Variants in MKLN1 observed in about 807,000 individuals in gnomAD.
The protein encoded by MKLN1 is muskelin.
In MKLN1, 18 loss-of-function variants were observed where a neutral mutation model predicts 99.0. That is an observed-to-expected ratio of 0.18 (90% CI 0.13 to 0.27). The LOEUF (loss-of-function observed/expected upper bound fraction) is 0.27. MKLN1 is among the 10% of genes least tolerant of loss of function. The pLI, the probability that MKLN1 is intolerant of heterozygous loss-of-function variation, is 1.00. For missense variants in MKLN1, 621 were observed against 875.9 expected (o/e 0.71, Z 3.67); for synonymous variants, 288 against 293.2 (o/e 0.98, Z 0.18).
intron 2 of MKLN1, among the ~76,000 whole-genome samples, chr7:131,156,556 C>G (rs929366025): frequency 4.0e-5 from 6 of 151,716 alleles, no homozygotes; most frequent in African/African-American, 1.5e-4. Flanking sequence ...AGATACTACT[C>G]TCTCGTGAAG....
chr7:131,386,646 T>C (rs1440696515), intron 2 of MKLN1, among the ~76,000 whole-genome samples: 1 of 152,204 alleles, frequency 6.6e-6, no homozygotes, highest in African/African-American at 2.4e-5. Flanking sequence ...TAGATTTGGG[T>C]TTCAAATTTG....
At chr7:131,169,331 G>A (rs1230698547) in intron 2 of MKLN1, among the ~76,000 whole-genome samples, 4 of 152,182 alleles carry the variant, frequency 2.6e-5, no homozygotes, top group Admixed American at 6.5e-5. Flanking sequence ...TCTGAAACTC[G>A]TAATCAATTG....
intron 1 of MKLN1, among the ~76,000 whole-genome samples, chr7:131,329,709 G>GTCTA (rs1262480480): frequency 6.6e-6 from 1 of 152,172 alleles, no homozygotes; most frequent in Non-Finnish European, 1.5e-5. Flanking sequence ...TTTTAAGAAA[G>GTCTA]TACATTTCAA....
chr7:131,260,887 A>G (rs1797723091), intron 3 of MKLN1, among the ~76,000 whole-genome samples: 1 of 135,378 alleles, frequency 7.4e-6, no homozygotes, highest in African/African-American at 2.5e-5. Flanking sequence ...AAAACATGCA[A>G]TGGGGAAAGG....
intron 3 of MKLN1, among the ~76,000 whole-genome samples, chr7:131,270,521 T>G (rs575203889): frequency 2.0e-5 from 3 of 152,334 alleles, no homozygotes; most frequent in African/African-American, 7.2e-5. Flanking sequence ...GTGCCCAGCC[T>G]ATGGTGGTAA....
rs111304269 is a variant in MKLN1 at position 131,346,658 on chromosome 7, G to A, written c.98+18661G>A. ...TAGATTTTCAAAATTAATTTAGAGG[G>A]TACTTGAGCAGAAAAGCTTGTGCAC... On this transcript the variant is annotated intron_variant, in intron 1 of 17. Coordinates refer to ENST00000352689, the MANE Select transcript of MKLN1 (RefSeq NM_013255.5). Among the ~76,000 whole-genome samples the A allele has an allele frequency of 3.1e-3, 473 of 152,266 alleles. 1 individual carries two copies. Among genetic ancestry groups the A allele is most frequent in the African/African-American group, 0.011 (451 of 41,554 alleles).
intron 5 of MKLN1, among the ~76,000 whole-genome samples, chr7:131,398,818 A>G (rs1794441628): frequency 6.6e-6 from 1 of 152,234 alleles, no homozygotes; most frequent in Admixed American, 6.5e-5. Flanking sequence ...TTTATTTTTA[A>G]AAACCAAAAA....
chr7:131,219,987 C>T (rs557257497), intron 3 of MKLN1, among the ~76,000 whole-genome samples: 6 of 152,228 alleles, frequency 3.9e-5, no homozygotes, highest in African/African-American at 9.6e-5. Flanking sequence ...ACTGACATGC[C>T]GCACTGAGGA....
chr7:131,346,798 T>G (rs919686206), intron 1 of MKLN1, among the ~76,000 whole-genome samples: 4 of 152,240 alleles, frequency 2.6e-5, no homozygotes, highest in Non-Finnish European at 5.9e-5. Flanking sequence ...AGTACTAGAC[T>G]ATGATGAAGA....
chr7:131,190,170 A>G (rs559203002), intron 2 of MKLN1, among the ~76,000 whole-genome samples: 2 of 152,282 alleles, frequency 1.3e-5, no homozygotes, highest in South Asian at 4.1e-4. Flanking sequence ...CTGCCACTGG[A>G]AAGATGTCAA....
At chr7:131,328,282 G>C in intron 1 of MKLN1, 2 of 406,716 alleles carry the variant, frequency 4.9e-6, no homozygotes, top group Non-Finnish European at 9.0e-6. Context: ...CTTGGGATTT[G>C]GGGGTTGAGG....
intron 2 of MKLN1, among the ~76,000 whole-genome samples, chr7:131,386,590 A>G (rs562163386): frequency 6.6e-6 from 1 of 152,322 alleles, no homozygotes; most frequent in African/African-American, 2.4e-5. Context: ...ATCCCGTTTT[A>G]TCCAATGTGT....
intron 3 of MKLN1, among the ~76,000 whole-genome samples, chr7:131,313,405 A>G (rs1436633647): frequency 6.6e-6 from 1 of 152,216 alleles, no homozygotes; most frequent in East Asian, 1.9e-4. Context: ...TGAGGTAAGA[A>G]AAACAAAACA....
rs147296060 is a variant in MKLN1 at position 131,434,027 on chromosome 7, C to T, written c.961-3758C>T. ...GCCTCCCGAGTAGCTGAGACTACAC[C>T]GAGTAGCTGAGACCCACCTGGCTAA... On this transcript the variant is annotated intron_variant, in intron 9 of 17. Transcript: ENST00000352689. Among the ~76,000 whole-genome samples, 367 of 151,798 alleles carry T rather than the reference C, an allele frequency of 2.4e-3. 1 individual carries two copies. Among genetic ancestry groups the T allele is most frequent in the African/African-American group, 8.5e-3 (350 of 41,404 alleles).
chr7:131,315,062 G>A (rs540265969), intron 3 of MKLN1, among the ~76,000 whole-genome samples: 2 of 152,080 alleles, frequency 1.3e-5, no homozygotes, highest in South Asian at 2.1e-4. Flanking sequence ...CCATGCCTGC[G>A]TGAATCTGTT....
At chr7:131,110,108 C>T (rs1053445337), upstream of MKLN1, 4 of 271,598 alleles carry the variant, frequency 1.5e-5, no homozygotes, top group Non-Finnish European at 2.8e-5. Context: ...CCTGATCCTC[C>T]GGTAGCGAAG....
At chr7:131,365,994 G>T (rs913575451) in intron 1 of MKLN1, among the ~76,000 whole-genome samples, 1 of 152,028 alleles carries the variant, frequency 6.6e-6, no homozygotes, top group Non-Finnish European at 1.5e-5. Context: ...TCGAATGAAG[G>T]GTGTGAAAGC....
intron 3 of MKLN1, among the ~76,000 whole-genome samples, chr7:131,387,949 A>G (rs1794080173): frequency 6.6e-6 from 1 of 152,194 alleles, no homozygotes; most frequent in African/African-American, 2.4e-5. Context: ...CAGGTGGATC[A>G]CGAGGTCAGG....
At chr7:131,385,787 A>G (rs1793994524) in intron 2 of MKLN1, among the ~76,000 whole-genome samples, 2 of 152,076 alleles carry the variant, frequency 1.3e-5, no homozygotes, top group Admixed American at 6.6e-5. Context: ...TATCAGATAT[A>G]TGATTTGCAA....
Sources: gnomAD v4.1 joint callset for allele counts (sites outside exome capture counted in the v4.1 genomes callset) on GRCh38, gnomAD v4.1.1 for gene constraint, MANE v1.5 for transcripts, NCBI Gene and HGNC (gene_info 2026-07-23, HGNC 2026-07-21) for gene names.